The following UNC13B variants were observed in gnomAD, a reference collection of about 807,000 sequenced individuals.
The protein encoded by UNC13B is unc-13 homolog B.
A neutral mutation model predicts 211.0 loss-of-function variants in UNC13B; 144 were observed. The observed-to-expected ratio is 0.68, with a 90% CI of 0.60 to 0.78. The LOEUF (loss-of-function observed/expected upper bound fraction) is 0.78. Ranked by LOEUF, UNC13B falls within the 30% of genes least tolerant of loss-of-function variation. The pLI is 0.00. For synonymous variants in UNC13B, 709 were observed against 725.8 expected (o/e 0.98, Z 0.37); for missense variants, 1,777 against 2,002.0 (o/e 0.89, Z 2.14).
chr9:35,389,412 G>A (rs542437076), intron 24 of UNC13B, among the ~76,000 whole-genome samples: 4 of 152,304 alleles, frequency 2.6e-5, no homozygotes, highest in Admixed American at 1.3e-4. Flanking sequence ...GAGCTGAGAT[G>A]TGTATGTGTG....
intron 6 of UNC13B, among the ~76,000 whole-genome samples, chr9:35,249,667 A>T (rs1160133155): frequency 6.6e-6 from 1 of 152,324 alleles, no homozygotes; most frequent in South Asian, 2.1e-4. Flanking sequence ...TTCTTTAAGA[A>T]TGTTGAATAT....
intron 11 of UNC13B, among the ~76,000 whole-genome samples, chr9:35,323,871 A>G (rs999017280): frequency 6.6e-6 from 1 of 152,018 alleles, no homozygotes; most frequent in African/African-American, 2.4e-5. Flanking sequence ...CAACTTTCCC[A>G]TAATTCCCCA....
At chr9:35,183,503 G>A (rs1353090655) in intron 1 of UNC13B, among the ~76,000 whole-genome samples, 1 of 127,424 alleles carries the variant, frequency 7.8e-6, no homozygotes, top group Non-Finnish European at 1.7e-5. Context: ...CCTCCCAGAC[G>A]GGGCGGCCGG....
chr9:35,289,486 T>C (rs1483418289), intron 7 of UNC13B, among the ~76,000 whole-genome samples: 1 of 152,318 alleles, frequency 6.6e-6, no homozygotes, highest in East Asian at 1.9e-4. Context: ...TAACAACAAA[T>C]GCTAGTTGCT....
At position 35,305,097 on chromosome 9, in the gene UNC13B, A is replaced by C. The variant is rs1587581300; in HGVS notation, c.5693A>C (p.Asn1898Thr). Residue 1898 changes from asparagine (N) to threonine (T), a missense_variant, in exon 9 of 40, where the codon AAT becomes ACT. Transcript: ENST00000635942. ...APQHSGDERENYELPQGQSSK... is the reference protein window; with the variant it reads ...APQHSGDERETYELPQGQSSK... The stretch of plus-strand genomic sequence containing the variant: ...CAGCATAGTGGGGATGAGCGTGAGA[A>C]TTATGAGCTTCCCCAGGGCCAGTCA... 6.0e-5 allele frequency: 24 copies of C among 398,850 alleles called. No homozygotes were observed. In the East Asian group the frequency reaches 8.5e-4, roughly 14 times the overall value. 24.7% of individuals were successfully genotyped at this position (398,850 alleles called of 1,614,324 possible). A position where few individuals can be genotyped will look rare whatever the true frequency, so the allele number is the denominator to read the frequency against.
chr9:35,185,674 C>G (rs1189511615), intron 1 of UNC13B, among the ~76,000 whole-genome samples: 2 of 151,758 alleles, frequency 1.3e-5, no homozygotes. Context: ...AATCCCAGCA[C>G]TTTGGGAGGC....
intron 1 of UNC13B, among the ~76,000 whole-genome samples, chr9:35,166,877 C>T (rs889501610): frequency 6.6e-6 from 1 of 152,072 alleles, no homozygotes; most frequent in Non-Finnish European, 1.5e-5. Context: ...ACATAGCATT[C>T]TTCAGCTTTT....
intron 7 of UNC13B, among the ~76,000 whole-genome samples, chr9:35,273,092 CT>C (rs1198029093): frequency 6.6e-6 from 1 of 152,154 alleles, no homozygotes; most frequent in African/African-American, 2.4e-5. Flanking sequence ...ACGAATCATT[CT>C]TTTAAATTAG....
At chr9:35,252,859 G>A (rs973826449) in intron 6 of UNC13B, among the ~76,000 whole-genome samples, 12 of 151,976 alleles carry the variant, frequency 7.9e-5, no homozygotes, top group African/African-American at 2.9e-4. Flanking sequence ...GAACCCAGGA[G>A]GCGGAGCTTG....
intron 1 of UNC13B, among the ~76,000 whole-genome samples, chr9:35,203,339 T>C (rs1265149204): frequency 6.6e-6 from 1 of 152,230 alleles, no homozygotes; most frequent in Non-Finnish European, 1.5e-5. Flanking sequence ...GGAGCTCTTA[T>C]AAGGCAGGCC....
chr9:35,252,334 T>C (rs979366413), intron 6 of UNC13B, among the ~76,000 whole-genome samples: 4 of 152,102 alleles, frequency 2.6e-5, no homozygotes, highest in Non-Finnish European at 4.4e-5. Context: ...TTCTTTCTTT[T>C]ATTTATTTAT....
chr9:35,273,152 A>G (rs1827988059), intron 7 of UNC13B, among the ~76,000 whole-genome samples: 1 of 152,206 alleles, frequency 6.6e-6, no homozygotes, highest in African/African-American at 2.4e-5. Flanking sequence ...TTGAAGAATG[A>G]ATCAGTTCAG....
intron 1 of UNC13B, among the ~76,000 whole-genome samples, chr9:35,219,640 A>C (rs919647245): frequency 3.9e-5 from 6 of 151,900 alleles, no homozygotes; most frequent in African/African-American, 1.4e-4. Flanking sequence ...AAAAAAGTAA[A>C]GACATTGTTT....
intron 1 of UNC13B, among the ~76,000 whole-genome samples, chr9:35,167,648 C>G (rs1412679862): frequency 7.6e-6 from 1 of 131,148 alleles, no homozygotes; most frequent in African/African-American, 2.9e-5. Flanking sequence ...AGTGCAGTGG[C>G]GCCCTCTCTG....
chr9:35,336,805 C>A (rs1025229141), intron 11 of UNC13B, among the ~76,000 whole-genome samples: 1 of 152,186 alleles, frequency 6.6e-6, no homozygotes, highest in African/African-American at 2.4e-5. Context: ...GTGACACAGA[C>A]GTTCAGGCAA....
chr9:35,197,895 C>CT (rs1283618406), intron 1 of UNC13B, among the ~76,000 whole-genome samples: 1 of 152,068 alleles, frequency 6.6e-6, no homozygotes, highest in Non-Finnish European at 1.5e-5. Context: ...AATGAAACCT[C>CT]TTTTTTAAAT....
chr9:35,332,229 C>T (rs1251150274), intron 11 of UNC13B, among the ~76,000 whole-genome samples: 1 of 152,156 alleles, frequency 6.6e-6, no homozygotes, highest in African/African-American at 2.4e-5. Context: ...GGGTTACAGG[C>T]TTGAGCCACT....
Position 35,397,151 on chromosome 9 carries a change from G to A in UNC13B, c.11533-16G>A, listed in dbSNP as rs762857631. ...TAGCAGCTGTGGATGGTGACCCTGTGTGTGGTCTTCCTTAGTTCCAGCAGA... is the reference window on the plus strand; with the variant it reads ...TAGCAGCTGTGGATGGTGACCCTGTATGTGGTCTTCCTTAGTTCCAGCAGA... On this transcript the variant is annotated splice_polypyrimidine_tract_variant and intron_variant, in intron 28 of 39. Coordinates refer to ENST00000635942, the MANE Select transcript of UNC13B (RefSeq NM_001371189.2). The A allele has an allele frequency of 8.1e-6, 13 of 1,613,260 alleles. No homozygotes were observed. The East Asian group carries it at 2.9e-4, about 36-fold the overall frequency.
At chr9:35,162,333 C>CGGG in intron 1 of UNC13B, 28 bp downstream of exon 1, 1 of 1,529,856 alleles carries the variant, frequency 6.5e-7, no homozygotes, top group Non-Finnish European at 8.8e-7. Flanking sequence ...GGCGGGGAGG[C>CGGG]GGGGTGTCGG....
Sources: gnomAD v4.1 joint callset for allele counts (sites outside exome capture counted in the v4.1 genomes callset) on GRCh38, gnomAD v4.1.1 for gene constraint, MANE v1.5 for transcripts, NCBI Gene and HGNC (gene_info 2026-07-23, HGNC 2026-07-21) for gene names.